HDAC9: variants seen among roughly 807,000 people sequenced by gnomAD.
HDAC9 encodes MEF-2 interacting transcription repressor (MITR) protein.
In HDAC9, 41 loss-of-function variants were observed where a neutral mutation model predicts 139.4. The observed-to-expected ratio is 0.29, with a 90% CI of 0.23 to 0.38. The LOEUF (loss-of-function observed/expected upper bound fraction) is 0.38. Among genes scored for constraint, HDAC9 ranks in the 10% least tolerant of loss-of-function variants. The probability of loss-of-function intolerance (pLI) is 1.00; values close to 1 mark genes in which losing one functional copy is unlikely to be tolerated. For synonymous variants in HDAC9, 517 were observed against 476.2 expected, an observed-to-expected ratio of 1.09 and a Z score of -1.12; for missense variants, 1,147 against 1,297.0, an observed-to-expected ratio of 0.88 and a Z score of 1.78.
chr7:18,220,068 G>A (rs1023778523), intron 2 of HDAC9, among the ~76,000 whole-genome samples: 18 of 152,138 alleles, frequency 1.2e-4, no homozygotes, highest in African/African-American at 7.2e-5. Context: ...CATGATACAT[G>A]TATAAAGCAA....
At chr7:18,989,458 C>A (rs1335468234) in intron 25 of HDAC9, among the ~76,000 whole-genome samples, 1 of 151,474 alleles carries the variant, frequency 6.6e-6, no homozygotes, top group African/African-American at 2.4e-5. Context: ...TGAGGGTAAC[C>A]CGACCTTTCT....
At chr7:18,663,475 G>A (rs1793853112) in intron 11 of HDAC9, among the ~76,000 whole-genome samples, 1 of 151,834 alleles carries the variant, frequency 6.6e-6, no homozygotes, top group Admixed American at 6.6e-5. Flanking sequence ...CCCCCAGTAA[G>A]CAGGGACTTC....
chr7:18,584,887 T>C (rs757258897), intron 2 of HDAC9, among the ~76,000 whole-genome samples: 2 of 152,196 alleles, frequency 1.3e-5, no homozygotes, highest in Non-Finnish European at 2.9e-5. Context: ...AATGTAGTCA[T>C]GGTGGAAGTT....
At chr7:18,663,237 G>A (rs1793756334) in intron 11 of HDAC9, among the ~76,000 whole-genome samples, 1 of 152,096 alleles carries the variant, frequency 6.6e-6, no homozygotes, top group Non-Finnish European at 1.5e-5. Flanking sequence ...AGGTCATAAT[G>A]TTGGGGAATG....
chr7:18,268,175 G>A (rs1023795599), intron 2 of HDAC9, among the ~76,000 whole-genome samples: 1 of 152,080 alleles, frequency 6.6e-6, no homozygotes, highest in African/African-American at 2.4e-5. Flanking sequence ...AAAGAGAAAT[G>A]TAGAAAATAT....
chr7:18,636,095 C>T (rs895566486), intron 8 of HDAC9, among the ~76,000 whole-genome samples: 2 of 152,054 alleles, frequency 1.3e-5, no homozygotes, highest in African/African-American at 4.8e-5. Context: ...TTGCTCTAGG[C>T]ACATTTGCAC....
intron 21 of HDAC9, among the ~76,000 whole-genome samples, chr7:18,855,624 T>C (rs574097281): frequency 2.0e-5 from 3 of 152,092 alleles, no homozygotes; most frequent in East Asian, 3.9e-4. Context: ...CTTCTTAATA[T>C]GTTAAATTTA....
intron 16 of HDAC9, among the ~76,000 whole-genome samples, chr7:18,786,323 T>TC (rs1278273336): frequency 3.3e-5 from 5 of 152,124 alleles, no homozygotes; most frequent in African/African-American, 4.8e-5. Flanking sequence ...CCCTAACTCT[T>TC]TATCCTCTTG....
chr7:18,140,843 A>C (rs988604572), intron 1 of HDAC9, among the ~76,000 whole-genome samples: 1 of 151,470 alleles, frequency 6.6e-6, no homozygotes, highest in Non-Finnish European at 1.5e-5. Context: ...AAACAAAGCA[A>C]TTTCTTTGAC....
chr7:18,980,623 C>T (rs1373515516), intron 25 of HDAC9, among the ~76,000 whole-genome samples: 3 of 152,064 alleles, frequency 2.0e-5, no homozygotes, highest in Non-Finnish European at 4.4e-5. Context: ...TATTATTTTT[C>T]TATCACTTTT....
At chr7:18,751,228 G>A (rs1046647170) in intron 14 of HDAC9, among the ~76,000 whole-genome samples, 18 of 152,212 alleles carry the variant, frequency 1.2e-4, no homozygotes, top group Non-Finnish European at 2.5e-4. Flanking sequence ...AACACAAGTT[G>A]AGATGTCAGA....
intron 22 of HDAC9, among the ~76,000 whole-genome samples, chr7:18,902,974 A>G (rs1287238235): frequency 6.6e-6 from 1 of 152,232 alleles, no homozygotes; most frequent in Admixed American, 6.5e-5. Context: ...AGCAAAACCA[A>G]TTGTGCAGAG....
chr7:18,536,925 A>G (rs1355996338), intron 2 of HDAC9, among the ~76,000 whole-genome samples: 1 of 152,226 alleles, frequency 6.6e-6, no homozygotes, highest in Admixed American at 6.5e-5. Context: ...AAATGCTTGC[A>G]TAAAATACTA....
At chr7:18,360,088 C>G (rs758276094) in intron 1 of HDAC9, among the ~76,000 whole-genome samples, 1 of 152,208 alleles carries the variant, frequency 6.6e-6, no homozygotes, top group Admixed American at 6.5e-5. Flanking sequence ...CTCTTCTGCT[C>G]TTCTTGTTCT....
chr7:18,897,977 C>G (rs984559844), intron 22 of HDAC9, among the ~76,000 whole-genome samples: 4 of 151,800 alleles, frequency 2.6e-5, no homozygotes, highest in Admixed American at 6.6e-5. Context: ...TCAATCTCTT[C>G]AGGAACAAAT....
chr7:18,119,694 A>C (rs939108605), intron 1 of HDAC9, among the ~76,000 whole-genome samples: 1 of 152,232 alleles, frequency 6.6e-6, no homozygotes, highest in Non-Finnish European at 1.5e-5. Context: ...TATACCTGTC[A>C]TGGTAAAGTG....
chr7:18,307,674 A>G (rs1051048246), intron 1 of HDAC9, among the ~76,000 whole-genome samples: 1 of 152,074 alleles, frequency 6.6e-6, no homozygotes, highest in Non-Finnish European at 1.5e-5. Context: ...ATGGTGGTAC[A>G]TACATGTAGC....
In HDAC9 at chr7:18,859,841, T is replaced by TG. The variant is rs1332296656; in HGVS notation, c.2685-14637_2685-14636insG. 4.5e-5 allele frequency among the ~76,000 whole-genome samples: 6 copies of TG among 133,482 alleles called. No individual in the cohort carries two copies. The East Asian group carries it at 1.1e-3, about 24-fold the overall frequency. 87.6% of individuals were successfully genotyped at this position (133,482 alleles called of 152,430 possible). A position where few individuals can be genotyped will look rare whatever the true frequency, so the allele number is the denominator to read the frequency against. On this transcript the variant is annotated intron_variant, in intron 21 of 25. Transcript: ENST00000686413. ...ATATATATATATATATATATATATA[T>TG]ATATATATATATATATATGTGAGAG...
At chr7:18,169,761 G>T (rs535999316) in intron 2 of HDAC9, among the ~76,000 whole-genome samples, 3 of 152,052 alleles carry the variant, frequency 2.0e-5, no homozygotes, top group Admixed American at 6.6e-5. Context: ...GTTTCCAGCT[G>T]TATCCATATC....
Sources: allele counts gnomAD v4.1 joint callset (sites outside exome capture counted in the v4.1 genomes callset), GRCh38; gene constraint gnomAD v4.1.1; transcripts MANE v1.5; gene names NCBI Gene and HGNC (gene_info 2026-07-23, HGNC 2026-07-21).